IRGQ: variants seen among roughly 807,000 people sequenced by gnomAD.
IRGQ encodes the protein immunity-related GTPase family Q protein.
A neutral mutation model predicts 10.5 loss-of-function variants in IRGQ; 5 were observed. The observed-to-expected ratio is 0.48, with a 90% CI of 0.25 to 1.00. The LOEUF is 1.00. Among genes scored for constraint, IRGQ ranks in the 50% least tolerant of loss-of-function variants. The probability of loss-of-function intolerance (pLI) is 0.16; values close to 1 mark genes in which losing one functional copy is unlikely to be tolerated. For missense variants in IRGQ, 792 were observed against 877.7 expected, an observed-to-expected ratio of 0.90 and a Z score of 1.23; for synonymous variants, 418 against 426.0, an observed-to-expected ratio of 0.98 and a Z score of 0.23.
At position 43,586,588 on chromosome 19, in the gene IRGQ, A is replaced by G. The variant is rs1326897508; in HGVS notation, c.*5438T>C. The G allele has an allele frequency of 6.6e-6, 1 of 152,234 alleles. No homozygotes were observed. Among genetic ancestry groups the G allele is most frequent in the East Asian group, 1.9e-4 (1 of 5,194 alleles). The allele number at this position is 152,234 out of a possible 1,614,324, so 9.4% of individuals were successfully genotyped here. On this transcript the variant is annotated 3_prime_UTR_variant, in exon 3 of 3. Coordinates refer to ENST00000422989, the MANE Select transcript of IRGQ (RefSeq NM_001007561.3). ...ATAGCAGTGATGTCAGACAGGACCA[A>G]ATCAGAGACAGGGTCAAAGTGGCAG...
chr19:43,592,373 G>T lies in IRGQ; in HGVS notation c.1525C>A (p.Leu509Met), dbSNP rs758685515. 1.1e-5 allele frequency: 18 copies of T among 1,578,130 alleles called. No homozygotes were observed. Among genetic ancestry groups the T allele is most frequent in the South Asian group, 2.3e-5 (2 of 88,456 alleles). Residue 509 changes from leucine (L) to methionine (M), a missense_variant, in exon 3 of 3, where the codon CTG (leucine) becomes ATG (methionine). Coordinates refer to ENST00000422989, the MANE Select transcript of IRGQ (RefSeq NM_001007561.3). ...GLGWACDVAL[L>M]RGQLAEWRRG... ...CGCCACTCCGCCAGCTGACCCCGCA[G>T]AAGTGCCACGTCGCATGCCCAGCCC...
intron 1 of IRGQ, 27 bp downstream of exon 1, chr19:43,595,955 T>TCCCCTTC (rs1044210968): frequency 3.3e-5 from 5 of 152,320 alleles, no homozygotes; most frequent in African/African-American, 1.2e-4. Context: ...TTTTCATCTT[T>TCCCCTTC]CCCCTTCCCC....
At position 43,595,315 on chromosome 19, in the gene IRGQ, C is replaced by G. The variant is rs1458778619; in HGVS notation, c.24G>C (p.Val8=). 6.4e-7 allele frequency: 1 copy of G among 1,567,482 alleles called. No individual in the cohort carries two copies. The highest frequency in any genetic ancestry group is 8.6e-7 in the Non-Finnish European group (1 of 1,157,282). MPPPQGD[V]TALFLGPPGL... ...CCGGAGGCCCCAGGAACAAGGCGGT[C>G]ACGTCACCCTGCGGCGGAGGCATGG... Residue 8 remains valine (V), a synonymous_variant, in exon 2 of 3, where the codon GTG becomes GTC. Transcript: ENST00000422989.
At position 43,593,027 on chromosome 19, in the gene IRGQ, C is replaced by T. The variant is rs868513668; in HGVS notation, c.871G>A (p.Ala291Thr). ...GCGTCGTAGTGCGTTGGGTGAGAGG[C>T]GGCGGCCGCGGTGGTGGCAGTGCCC... is the stretch of plus-strand genomic sequence containing the variant. The part of the protein sequence containing the change: ...HTGTATTAAA[A>T]SHPTHYDALI... Residue 291 changes from alanine to threonine, a missense_variant, in exon 3 of 3, where the codon GCC becomes ACC. Coordinates refer to ENST00000422989, the MANE Select transcript of IRGQ (RefSeq NM_001007561.3). This position sits in a 1 kb window ranked among gnomAD's most constrained non-coding sequence, Gnocchi z 6.4. 6.2e-6 allele frequency: 10 copies of T among 1,605,122 alleles called. No homozygotes were observed. In the African/African-American group the frequency reaches 1.1e-4, roughly 17 times the overall value.
rs1447591069 is a variant in IRGQ at position 43,594,671 on chromosome 19, G to A, written c.530+138C>T. On this transcript the variant is annotated intron_variant, in intron 2 of 2. Transcript: ENST00000422989. ...CAACATAGCGAGACCCTGTCTCTCA[G>A]GAAAAAAAAAAAAATAATAATAATA... is the stretch of plus-strand genomic sequence containing the variant. 2.8e-5 allele frequency: 18 copies of A among 644,356 alleles called. No homozygotes were observed. The East Asian group carries it at 4.6e-4, about 17-fold the overall frequency. 39.9% of individuals were successfully genotyped at this position (644,356 alleles called of 1,614,324 possible).
At chr19:43,595,582 A>T in intron 1 of IRGQ, 1 of 379,626 alleles carries the variant, frequency 2.6e-6, no homozygotes, top group South Asian at 9.4e-5. Flanking sequence ...AAAACTCTGA[A>T]ATCAGGCGCG....
intron 2 of IRGQ, among the ~76,000 whole-genome samples, chr19:43,594,494 G>A (rs1055024188): frequency 1.3e-5 from 2 of 151,908 alleles, no homozygotes; most frequent in Non-Finnish European, 2.9e-5. Flanking sequence ...AGTGAGCTAG[G>A]ATCGCGGCAC....
Position 43,594,957 on chromosome 19 carries a change from G to A in IRGQ, c.382C>T (p.Arg128Cys), listed in dbSNP as rs777691676. The change falls in exon 2 of 3, where the codon CGT becomes TGT. Residue 128 changes from arginine to cysteine, a missense_variant. Physicochemically the swap from Arg to Cys is radical, Grantham distance 180 (BLOSUM62 -3). Transcript: ENST00000422989. Reference protein sequence around the residue: ...PGDSQTAAQARDQTAALLNSA... With the variant: ...PGDSQTAAQACDQTAALLNSA... Reference sequence around the variant, plus strand: ...TTCAGCAGAGCTGCTGTCTGATCACGGGCCTGGGCGGCAGTCTGTGAATCC... The same window carrying A: ...TTCAGCAGAGCTGCTGTCTGATCACAGGCCTGGGCGGCAGTCTGTGAATCC... The A allele has an allele frequency of 3.1e-6, 5 of 1,614,020 alleles. No individual in the cohort carries two copies. Among genetic ancestry groups the A allele is most frequent in the South Asian group, 2.2e-5 (2 of 91,086 alleles).
chr19:43,592,727 T>C lies in IRGQ; in HGVS notation c.1171A>G (p.Ser391Gly). Residue 391 changes from serine (S) to glycine (G), a missense_variant, in exon 3 of 3, where the codon AGC becomes GGC. Ser to Gly is a moderately conservative substitution (Grantham distance 56, BLOSUM62 0). Coordinates refer to ENST00000422989, the MANE Select transcript of IRGQ (RefSeq NM_001007561.3). ...GSGEGPGKAG[S>G]EGLQQVVGMK... ...CCGACAACCTGCTGCAAACCCTCGC[T>C]GCCAGCTTTCCCAGGACCTTCCCCG... 6.2e-7 allele frequency: 1 copy of C among 1,611,426 alleles called. No individual in the cohort carries two copies. Among genetic ancestry groups the C allele is most frequent in the Non-Finnish European group, 8.5e-7 (1 of 1,179,960 alleles).
In IRGQ at chr19:43,593,477, G is replaced by C; in HGVS notation, c.531-110C>G. 2.0e-5 allele frequency: 23 copies of C among 1,160,364 alleles called. No individual in the cohort carries two copies. The highest frequency in any genetic ancestry group is 2.5e-5 in the Non-Finnish European group (22 of 873,238). 71.9% of individuals were successfully genotyped at this position (1,160,364 alleles called of 1,614,324 possible). A position where few individuals can be genotyped will look rare whatever the true frequency, so the allele number is the denominator to read the frequency against. On this transcript the variant is annotated intron_variant, in intron 2 of 2. Coordinates refer to ENST00000422989, the MANE Select transcript of IRGQ (RefSeq NM_001007561.3). The surrounding 1 kb of genome is among the most constrained non-coding windows in gnomAD (Gnocchi z 6.4). ...TCCTAATGATCCCAGAATGGGGCAG[G>C]GGTAGGAAAGGGAAGGGCCAGACTG...
chr19:43,594,225 T>A (rs770269802), intron 2 of IRGQ, among the ~76,000 whole-genome samples: 1 of 152,134 alleles, frequency 6.6e-6, no homozygotes, highest in Non-Finnish European at 1.5e-5. Flanking sequence ...TCCCAGCACT[T>A]TGGGAGGCCA....
chr19:43,594,641 C>G (rs1343206243), intron 2 of IRGQ, among the ~76,000 whole-genome samples, 168 bp downstream of exon 2: 2 of 152,106 alleles, frequency 1.3e-5, no homozygotes, highest in African/African-American at 4.8e-5. Flanking sequence ...CAAATTCAAC[C>G]TAGCCAACAT....
chr19:43,595,171 A>C lies in IRGQ; in HGVS notation c.168T>G (p.Leu56=), dbSNP rs758585907. 6.2e-7 allele frequency: 1 copy of C among 1,609,460 alleles called. No individual in the cohort carries two copies. Among genetic ancestry groups the C allele is most frequent in the Admixed American group, 1.7e-5 (1 of 59,438 alleles). ...GTGGGCAGCTCAGCTCGCCCAGAAA[A>C]AGGCCTGGGCCCGCAGCTCTTAGGC... The part of the protein sequence containing the change: ...VPSLRAAGPG[L]FLGELSCPPA... Residue 56 remains leucine (L), a synonymous_variant, in exon 2 of 3, where the codon CTT becomes CTG. Coordinates refer to ENST00000422989, the MANE Select transcript of IRGQ (RefSeq NM_001007561.3).
At position 43,589,855 on chromosome 19, in the gene IRGQ, C is replaced by T. The variant is rs993311726; in HGVS notation, c.*2171G>A. Reference sequence around the variant, plus strand: ...ACGTGAGCTGAGATCTGACTGAGCCCGTCACAGGAAGGTTTGAGAGTAGAA... The same window carrying T: ...ACGTGAGCTGAGATCTGACTGAGCCTGTCACAGGAAGGTTTGAGAGTAGAA... On this transcript the variant is annotated 3_prime_UTR_variant, in exon 3 of 3. Coordinates refer to ENST00000422989, the MANE Select transcript of IRGQ (RefSeq NM_001007561.3). 2.0e-5 allele frequency: 3 copies of T among 152,078 alleles called. No individual in the cohort carries two copies. The highest frequency in any genetic ancestry group is 7.2e-5 in the African/African-American group (3 of 41,384). 9.4% of individuals were successfully genotyped at this position (152,078 alleles called of 1,614,324 possible). A position where few individuals can be genotyped will look rare whatever the true frequency, so the allele number is the denominator to read the frequency against.
chr19:43,592,298 G>A lies in IRGQ; in HGVS notation c.1600C>T (p.Leu534=). The change falls in exon 3 of 3, where the codon CTG becomes TTG. Residue 534 remains leucine, a synonymous_variant. Transcript: ENST00000422989. ...PTALARRERA[L]GLASGELAAR... ...GCCAGCTCTCCAGAAGCCAGGCCCA[G>A]GGCACGCTCACGTCGAGCCAGTGCC... 1 of 1,567,956 alleles carries A rather than the reference G, an allele frequency of 6.4e-7. No homozygotes were observed. Among genetic ancestry groups the A allele is most frequent in the Non-Finnish European group, 8.6e-7 (1 of 1,165,638 alleles).
rs913054114 is a variant in IRGQ at position 43,592,092 on chromosome 19, C to T, written c.1806G>A (p.Leu602=). 1.2e-6 allele frequency: 2 copies of T among 1,612,510 alleles called. No homozygotes were observed. Among genetic ancestry groups the T allele is most frequent in the African/African-American group, 1.3e-5 (1 of 75,040 alleles). ...LGYRAAHGVL[L]QALDEMRADA... ...CAGCCCGCATCTCATCGAGAGCCTG[C>T]AGCAGGACGCCGTGAGCCGCTCGGT... The change falls in exon 3 of 3, where the codon CTG becomes CTA. Residue 602 remains leucine (L), a synonymous_variant. Transcript: ENST00000422989.
At position 43,592,172 on chromosome 19, in the gene IRGQ, C is replaced by G; in HGVS notation, c.1726G>C (p.Ala576Pro). The G allele has an allele frequency of 6.2e-7, 1 of 1,605,926 alleles. No individual in the cohort carries two copies. Among genetic ancestry groups the G allele is most frequent in the Non-Finnish European group, 8.5e-7 (1 of 1,179,120 alleles). The change falls in exon 3 of 3, where the codon GCT becomes CCT. Residue 576 changes from alanine (A) to proline (P), a missense_variant. Coordinates refer to ENST00000422989, the MANE Select transcript of IRGQ (RefSeq NM_001007561.3). ...EGTAGGAALG[A>P]LSFLWPAGGA... The stretch of plus-strand genomic sequence containing the variant: ...CCCGCAGGCCACAGGAAGGAGAGAG[C>G]CCCCAGTGCTGCGCCCCCAGCAGTG...
At position 43,588,421 on chromosome 19, in the gene IRGQ, A is replaced by T. The variant is rs1321618091; in HGVS notation, c.*3605T>A. The T allele has an allele frequency of 6.6e-6, 1 of 151,154 alleles. No individual in the cohort carries two copies. The highest frequency in any genetic ancestry group is 1.5e-5 in the Non-Finnish European group (1 of 67,880). The allele number at this position is 151,154 out of a possible 1,614,324, so 9.4% of individuals were successfully genotyped here. Reference sequence around the variant, plus strand: ...TCTCCCAAAAAATAAATAAATAAATAAAATAAAAATACAAAAATTAGCTGG... The same window carrying T: ...TCTCCCAAAAAATAAATAAATAAATTAAATAAAAATACAAAAATTAGCTGG... On this transcript the variant is annotated 3_prime_UTR_variant, in exon 3 of 3. Coordinates refer to ENST00000422989, the MANE Select transcript of IRGQ (RefSeq NM_001007561.3).
Position 43,593,227 on chromosome 19 carries a change from C to T in IRGQ, c.671G>A (p.Arg224Gln). 1 of 1,584,940 alleles carries T rather than the reference C, an allele frequency of 6.3e-7. No homozygotes were observed. The highest frequency in any genetic ancestry group is 8.6e-7 in the Non-Finnish European group (1 of 1,163,534). ...CTTGCCAGCCACGGCCAGGTCTAGC[C>T]GTGCGCTGCCCAGGCGCTCCAGGCC... is the stretch of plus-strand genomic sequence containing the variant. ...RSGLERLGSA[R>Q]LDLAVAGKAD... Residue 224 changes from arginine to glutamine, a missense_variant, in exon 3 of 3, where the codon CGG (arginine) becomes CAG (glutamine). Transcript: ENST00000422989. This position sits in a 1 kb window ranked among gnomAD's most constrained non-coding sequence, Gnocchi z 6.4.
Sources: allele counts gnomAD v4.1 joint callset (sites outside exome capture counted in the v4.1 genomes callset), GRCh38; gene constraint gnomAD v4.1.1; non-coding constraint Gnocchi (gnomAD v3.1); transcripts MANE v1.5; gene names NCBI Gene and HGNC (gene_info 2026-07-23, HGNC 2026-07-21).